Variants in ADARB2 observed in about 807,000 individuals in gnomAD.
ADARB2 encodes inactive double-stranded RNA-specific editase B2.
Under a neutral mutation model 62.2 loss-of-function variants are expected in ADARB2, and 25 were observed. The observed-to-expected ratio is 0.40, with a 90% CI of 0.29 to 0.56. ADARB2 has a LOEUF of 0.56. Among genes scored for constraint, ADARB2 ranks in the 20% least tolerant of loss-of-function variants. The pLI, the probability that ADARB2 is intolerant of heterozygous loss-of-function variation, is 0.43. For synonymous variants in ADARB2, 572 were observed against 500.8 expected (o/e 1.14, Z -1.90); for missense variants, 1,071 against 1,077.4 (o/e 0.99, Z 0.08).
At chr10:1,208,823 G>A (rs537068440) in intron 7 of ADARB2, among the ~76,000 whole-genome samples, 10 of 152,320 alleles carry the variant, frequency 6.6e-5, no homozygotes, top group African/African-American at 2.4e-4. Flanking sequence ...CTGATTTGTC[G>A]GGGGAGACAA....
intron 3 of ADARB2, among the ~76,000 whole-genome samples, chr10:1,282,830 G>A (rs1202344635): frequency 8.5e-5 from 13 of 152,194 alleles, no homozygotes; most frequent in Admixed American, 8.5e-4. Flanking sequence ...AGTGTTCTGA[G>A]CACATGGGCC....
rs546967951 is a variant in ADARB2, at chr10:1,709,283, T to C, written c.100+27768A>G. Among the ~76,000 whole-genome samples, 11 of 152,334 alleles carry C rather than the reference T, an allele frequency of 7.2e-5. No individual in the cohort carries two copies. The South Asian group carries it at 2.1e-3, about 29-fold the overall frequency. ...AATTAATAACACAAGTTCCCTCTGA[T>C]GAGGGGGAAAGTATTTCTTGCCTAA... On this transcript the variant is annotated intron_variant, in intron 1 of 9. Transcript: ENST00000381312.
chr10:1,273,389 G>T (rs1172654616), intron 3 of ADARB2, among the ~76,000 whole-genome samples: 1 of 152,130 alleles, frequency 6.6e-6, no homozygotes, highest in East Asian at 1.9e-4. Context: ...GCCTCCCAAA[G>T]CGCTAGGATT....
chr10:1,625,292 T>G (rs958195055), intron 1 of ADARB2, among the ~76,000 whole-genome samples: 1 of 152,180 alleles, frequency 6.6e-6, no homozygotes, highest in Non-Finnish European at 1.5e-5. Context: ...TACACTCCTT[T>G]AAGGGAAAAT....
At chr10:1,393,699 T>G (rs892653596) in intron 1 of ADARB2, among the ~76,000 whole-genome samples, 1 of 152,122 alleles carries the variant, frequency 6.6e-6, no homozygotes, top group Non-Finnish European at 1.5e-5. Context: ...CCAGCTAACC[T>G]TGGAAAAAGC....
chr10:1,467,545 G>T (rs945602399), intron 1 of ADARB2, among the ~76,000 whole-genome samples: 4 of 152,152 alleles, frequency 2.6e-5, no homozygotes, highest in Non-Finnish European at 5.9e-5. Context: ...TCAGGGTCTG[G>T]GCAAGTTGAC....
chr10:1,305,723 C>T (rs1269043667), intron 3 of ADARB2, among the ~76,000 whole-genome samples: 7 of 152,106 alleles, frequency 4.6e-5, no homozygotes, highest in Non-Finnish European at 7.4e-5. Flanking sequence ...TGGGCTTCAT[C>T]CCTGGGATGC....
At chr10:1,507,888 A>G (rs1295174859) in intron 1 of ADARB2, among the ~76,000 whole-genome samples, 1 of 152,170 alleles carries the variant, frequency 6.6e-6, no homozygotes, top group African/African-American at 2.4e-5. Flanking sequence ...CGTCTTCTCC[A>G]GGGTGGGACA....
intron 3 of ADARB2, among the ~76,000 whole-genome samples, chr10:1,328,008 C>CTCACAGTTCAGCGCCTCCCCACA (rs1589193928): frequency 6.6e-6 from 1 of 151,626 alleles, no homozygotes; most frequent in African/African-American, 2.4e-5. Context: ...AAGGCGCCTC[C>CTCACAGTTCAGCGCCTCCCCACA]GCATTCTGGG....
chr10:1,705,805 G>A (rs991716290), intron 1 of ADARB2, among the ~76,000 whole-genome samples: 2 of 152,216 alleles, frequency 1.3e-5, no homozygotes, highest in Admixed American at 6.5e-5. Context: ...ATGACTCACA[G>A]GGACAATGAG....
Position 1,469,564 on chromosome 10 carries a change from A to G in ADARB2, c.101-90404T>C, listed in dbSNP as rs182291549. 7.9e-4 allele frequency among the ~76,000 whole-genome samples: 120 copies of G among 152,370 alleles called. 1 individual carries two copies. Among genetic ancestry groups the G allele is most frequent in the African/African-American group, 2.6e-3 (108 of 41,586 alleles). ...CTCTAGAATAGATTGGTGGGAGAAT[A>G]ATTGTCTCAACCATCCAGAAATCAG... On this transcript the variant is annotated intron_variant, in intron 1 of 9. Transcript: ENST00000381312.
rs150081099 is a variant in ADARB2, at chr10:1,704,199, G to A, written c.100+32852C>T. ...ACAATTTTTCCATGGACTGGGGGCT[G>A]CAGGGATGGTTTCAGGATGATTCAA... is the stretch of plus-strand genomic sequence containing the variant. On this transcript the variant is annotated intron_variant, in intron 1 of 9. Coordinates refer to ENST00000381312, the MANE Select transcript of ADARB2 (RefSeq NM_018702.4). The surrounding 1 kb of genome is among the most constrained non-coding windows in gnomAD (Gnocchi z 5.6). Among the ~76,000 whole-genome samples the A allele has an allele frequency of 1.3e-5, 2 of 152,348 alleles. No individual in the cohort carries two copies. The highest frequency in any genetic ancestry group is 4.8e-5 in the African/African-American group (2 of 41,588).
At chr10:1,220,403 G>A (rs1423038265) in intron 6 of ADARB2, among the ~76,000 whole-genome samples, 1 of 150,374 alleles carries the variant, frequency 6.7e-6, no homozygotes, top group Non-Finnish European at 1.5e-5. Flanking sequence ...GGTGATTGTG[G>A]TGGTGATGAT....
At chr10:1,507,718 C>A (rs1433442080) in intron 1 of ADARB2, among the ~76,000 whole-genome samples, 1 of 152,162 alleles carries the variant, frequency 6.6e-6, no homozygotes, top group Non-Finnish European at 1.5e-5. Flanking sequence ...GAAGGGGTTT[C>A]CCCCGCTTGT....
chr10:1,370,496 AG>A (rs2131854805), intron 2 of ADARB2, among the ~76,000 whole-genome samples: 1 of 152,368 alleles, frequency 6.6e-6, no homozygotes, highest in Non-Finnish European at 1.5e-5. Flanking sequence ...ATTGGAAAAG[AG>A]GAAGTGAAAC....
intron 1 of ADARB2, among the ~76,000 whole-genome samples, chr10:1,447,632 G>A (rs1478003251): frequency 6.6e-6 from 1 of 152,110 alleles, no homozygotes; most frequent in East Asian, 1.9e-4. Context: ...TGTTATACAG[G>A]TAAACTTGTG....
rs1194227215 is a variant in ADARB2, at chr10:1,399,888, G to A, written c.101-20728C>T. On this transcript the variant is annotated intron_variant, in intron 1 of 9. Transcript: ENST00000381312. ...CCCTGAGGGACACACAGGAGGCCCT[G>A]GTGGGAGGCTGCCCCAAGGAAGCCT... is the stretch of plus-strand genomic sequence containing the variant. 3.3e-5 allele frequency among the ~76,000 whole-genome samples: 5 copies of A among 152,180 alleles called. No homozygotes were observed. The East Asian group carries it at 9.6e-4, about 29-fold the overall frequency.
chr10:1,580,501 G>A (rs534301190), intron 1 of ADARB2, among the ~76,000 whole-genome samples: 1 of 112,408 alleles, frequency 8.9e-6, no homozygotes, highest in South Asian at 3.0e-4. Flanking sequence ...TTTGTCTTAA[G>A]GCTTTTTTTT....
chr10:1,298,439 TTTCCC>T (rs1831543291), intron 3 of ADARB2, among the ~76,000 whole-genome samples: 2 of 152,144 alleles, frequency 1.3e-5, no homozygotes, highest in Non-Finnish European at 2.9e-5. Context: ...AAAGTGAGGT[TTTCCC>T]TTCACCTAAT....
Sources: allele counts gnomAD v4.1 joint callset (sites outside exome capture counted in the v4.1 genomes callset), GRCh38; gene constraint gnomAD v4.1.1; non-coding constraint Gnocchi (gnomAD v3.1); transcripts MANE v1.5; gene names NCBI Gene and HGNC (gene_info 2026-07-23, HGNC 2026-07-21).